The following UXS1 variants were observed in gnomAD, a reference collection of about 807,000 sequenced individuals.
UXS1 encodes UDP-glucuronic acid decarboxylase 1.
A neutral mutation model predicts 62.6 loss-of-function variants in UXS1; 33 were observed. The ratio of observed to expected loss-of-function variants is 0.53; its 90% confidence interval spans 0.40 to 0.70. The LOEUF is 0.70. Ranked by LOEUF, UXS1 falls within the 30% of genes least tolerant of loss-of-function variation. UXS1 has a pLI of 0.00. For synonymous variants in UXS1, 213 were observed against 206.8 expected (o/e 1.03, Z -0.26); for missense variants, 434 against 556.3 (o/e 0.78, Z 2.21).
chr2:106,162,139 T>G (rs1682938320), intron 4 of UXS1, among the ~76,000 whole-genome samples: 1 of 152,206 alleles, frequency 6.6e-6, no homozygotes, highest in Non-Finnish European at 1.5e-5. Flanking sequence ...CCTGACTTGC[T>G]GACCAACCTG....
intron 1 of UXS1, among the ~76,000 whole-genome samples, chr2:106,191,686 G>A (rs1029775001): frequency 6.6e-6 from 1 of 152,162 alleles, no homozygotes; most frequent in African/African-American, 2.4e-5. Context: ...CTAGAATACT[G>A]CCTGCTCTTG....
At chr2:106,157,148 G>C (rs572964280) in intron 5 of UXS1, among the ~76,000 whole-genome samples, 1 of 151,658 alleles carries the variant, frequency 6.6e-6, no homozygotes, top group East Asian at 1.9e-4. Context: ...GGCTTTCCTT[G>C]GGGGGGGCCT....
chr2:106,107,406 G>A (rs1678176516), intron 10 of UXS1, among the ~76,000 whole-genome samples: 3 of 152,194 alleles, frequency 2.0e-5, no homozygotes. Flanking sequence ...CCGTCTCTCA[G>A]AGAGGAGCCA....
intron 1 of UXS1, among the ~76,000 whole-genome samples, chr2:106,179,229 C>T (rs1418188190): frequency 6.6e-6 from 1 of 152,100 alleles, no homozygotes; most frequent in Non-Finnish European, 1.5e-5. Context: ...TGTGATGAAG[C>T]CTCCATGGTC....
intron 4 of UXS1, among the ~76,000 whole-genome samples, chr2:106,158,981 A>C (rs980171797): frequency 1.3e-5 from 2 of 152,040 alleles, no homozygotes; most frequent in African/African-American, 4.8e-5. Flanking sequence ...AGACACCCCC[A>C]TGATTTCACA....
chr2:106,113,698 A>G (rs1367675956), intron 9 of UXS1, among the ~76,000 whole-genome samples: 1 of 152,234 alleles, frequency 6.6e-6, no homozygotes, highest in Non-Finnish European at 1.5e-5. Context: ...CCACTGCAGA[A>G]CAAACGTGCA....
At chr2:106,187,603 G>C (rs763988042) in intron 1 of UXS1, among the ~76,000 whole-genome samples, 2 of 152,030 alleles carry the variant, frequency 1.3e-5, no homozygotes, top group Admixed American at 1.3e-4. Flanking sequence ...ATGGTTTTCA[G>C]GTTTTATCTC....
chr2:106,096,128 C>T (rs1209736079), intron 14 of UXS1, among the ~76,000 whole-genome samples: 26 of 152,320 alleles, frequency 1.7e-4, no homozygotes, highest in Non-Finnish European at 1.2e-4. Flanking sequence ...ACTGGGGCTA[C>T]GCAGGGCTCT....
chr2:106,124,634 T>C (rs1440912140), intron 8 of UXS1, among the ~76,000 whole-genome samples: 1 of 152,228 alleles, frequency 6.6e-6, no homozygotes, highest in Non-Finnish European at 1.5e-5. Context: ...AGATAATAAA[T>C]GAGATGAGTA....
intron 1 of UXS1, among the ~76,000 whole-genome samples, chr2:106,177,599 C>T (rs766329928): frequency 9.9e-5 from 15 of 152,218 alleles, no homozygotes; most frequent in Middle Eastern, 3.4e-3. Context: ...CTTTAATTTC[C>T]GCAAATCACA....
chr2:106,136,957 AAC>A (rs1558711090), intron 6 of UXS1, among the ~76,000 whole-genome samples: 1 of 142,436 alleles, frequency 7.0e-6, no homozygotes, highest in Non-Finnish European at 1.5e-5. Context: ...AGAAGTCAAG[AAC>A]ACACACAAAA....
intron 1 of UXS1, among the ~76,000 whole-genome samples, chr2:106,167,156 T>C (rs900610416): frequency 2.0e-5 from 3 of 152,198 alleles, no homozygotes; most frequent in African/African-American, 4.8e-5. Flanking sequence ...GACTTTAAAA[T>C]GTAATACTGG....
intron 8 of UXS1, among the ~76,000 whole-genome samples, chr2:106,123,556 G>A (rs890708892): frequency 4.6e-5 from 7 of 152,148 alleles, no homozygotes; most frequent in Admixed American, 6.5e-5. Flanking sequence ...TCTGGGACCC[G>A]TGACAAGTCA....
chr2:106,167,753 G>C (rs1284890961), intron 1 of UXS1, among the ~76,000 whole-genome samples: 1 of 152,172 alleles, frequency 6.6e-6, no homozygotes. Flanking sequence ...ACTGGAACCA[G>C]AGTAACTCCA....
Position 106,145,194 on chromosome 2 carries a change from G to C in UXS1, c.468C>G (p.Ile156Met), listed in dbSNP as rs751183075. 1 of 1,612,662 alleles carries C rather than the reference G, an allele frequency of 6.2e-7. No homozygotes were observed. The highest frequency in any genetic ancestry group is 8.5e-7 in the Non-Finnish European group (1 of 1,179,290). Reference sequence around the variant, plus strand: ...CAATGTGCAGTTTTCACTCACCCTCGATGTAGAGGGGCTCCACCACGTCGT... The same window carrying C: ...CAATGTGCAGTTTTCACTCACCCTCCATGTAGAGGGGCTCCACCACGTCGT... ...INHDVVEPLY[I>M]EVDQIYHLAS... The change falls in exon 6 of 15, where the codon ATC becomes ATG. Residue 156 changes from isoleucine to methionine, a missense_variant. Coordinates refer to ENST00000283148, the MANE Select transcript of UXS1 (RefSeq NM_001253875.2).
chr2:106,095,452 T>C (rs1443267865), intron 14 of UXS1, among the ~76,000 whole-genome samples: 1 of 152,268 alleles, frequency 6.6e-6, no homozygotes, highest in African/African-American at 2.4e-5. Flanking sequence ...GGAACTCTCA[T>C]GTCCCTTTGA....
chr2:106,128,913 A>G (rs1558705058), intron 7 of UXS1, among the ~76,000 whole-genome samples: 1 of 152,220 alleles, frequency 6.6e-6, no homozygotes, highest in Non-Finnish European at 1.5e-5. Context: ...AAATGTTCCT[A>G]TACTTAAATC....
At chr2:106,178,349 C>A in intron 1 of UXS1, among the ~76,000 whole-genome samples, 1 of 152,200 alleles carries the variant, frequency 6.6e-6, no homozygotes, top group Non-Finnish European at 1.5e-5. Context: ...CAGTGTTGAG[C>A]ATGCACCCCA....
At chr2:106,113,410 T>C (rs1341241811) in intron 9 of UXS1, among the ~76,000 whole-genome samples, 4 of 152,220 alleles carry the variant, frequency 2.6e-5, no homozygotes, top group South Asian at 2.1e-4. Context: ...TAAATAGTCA[T>C]CCCTCCTGTT....
Sources: gnomAD v4.1 joint callset for allele counts (sites outside exome capture counted in the v4.1 genomes callset) on GRCh38, gnomAD v4.1.1 for gene constraint, MANE v1.5 for transcripts, NCBI Gene and HGNC (gene_info 2026-07-23, HGNC 2026-07-21) for gene names.